The following PHACTR3 variants were observed in gnomAD, a reference collection of about 807,000 sequenced individuals.
PHACTR3 encodes protein phosphatase 1, regulatory subunit 123.
A neutral mutation model predicts 66.8 loss-of-function variants in PHACTR3; 16 were observed. The observed-to-expected ratio is 0.24, with a 90% CI of 0.16 to 0.36. The LOEUF is 0.36. Among genes scored for constraint, PHACTR3 ranks in the 10% least tolerant of loss-of-function variants. The pLI is 1.00. For missense variants in PHACTR3, 647 were observed against 719.9 expected, an observed-to-expected ratio of 0.90 and a Z score of 1.16; for synonymous variants, 323 against 292.1, an observed-to-expected ratio of 1.11 and a Z score of -1.08.
intron 1 of PHACTR3, among the ~76,000 whole-genome samples, chr20:59,716,956 G>T (rs1210981068): frequency 6.6e-6 from 1 of 152,202 alleles, no homozygotes; most frequent in Non-Finnish European, 1.5e-5. Flanking sequence ...GGGTCCCCAT[G>T]CCCAGCACTG....
chr20:59,625,258 C>T (rs1003104730), intron 1 of PHACTR3, among the ~76,000 whole-genome samples: 1 of 151,966 alleles, frequency 6.6e-6, no homozygotes, highest in African/African-American at 2.4e-5. Flanking sequence ...TCAGTTGACC[C>T]TGAGGCAGGC....
chr20:59,844,117 A>T (rs553073880), intron 11 of PHACTR3: 1 of 152,274 alleles, frequency 6.6e-6, no homozygotes, highest in Admixed American at 6.5e-5. Context: ...CAAAACCACG[A>T]TGAGATATCA....
chr20:59,738,336 G>A lies in PHACTR3; in HGVS notation c.119-4771G>A, dbSNP rs553120353. Among the ~76,000 whole-genome samples the A allele has an allele frequency of 6.6e-6, 1 of 152,098 alleles. No individual in the cohort carries two copies. Among genetic ancestry groups the A allele is most frequent in the East Asian group, 1.9e-4 (1 of 5,152 alleles). On this transcript the variant is annotated intron_variant, in intron 1 of 12. Coordinates refer to ENST00000371015, the MANE Select transcript of PHACTR3 (RefSeq NM_080672.5). This position sits in a 1 kb window ranked among gnomAD's most constrained non-coding sequence, Gnocchi z 4.4. ...GCACAATAAGGATGATAATAAGGGG[G>A]AGGGAGCAGCAGAGCACAGAGAGCT...
chr20:59,773,130 G>T, intron 5 of PHACTR3, 149 bp from the exon 6 acceptor site: 1 of 868,442 alleles, frequency 1.2e-6, no homozygotes, highest in East Asian at 2.5e-5. Flanking sequence ...TTGGGAGCAG[G>T]GATCCCGGTC....
chr20:59,769,758 GTGAA>G (rs1343535714), intron 5 of PHACTR3, among the ~76,000 whole-genome samples: 6 of 152,226 alleles, frequency 3.9e-5, no homozygotes, highest in African/African-American at 1.4e-4. Context: ...GAATGAATGA[GTGAA>G]TGAATGCATG....
At chr20:59,656,832 A>G (rs1601020911) in intron 1 of PHACTR3, among the ~76,000 whole-genome samples, 1 of 152,060 alleles carries the variant, frequency 6.6e-6, no homozygotes, top group Middle Eastern at 3.4e-3. Flanking sequence ...GGGGATTACC[A>G]TATACATCTT....
intron 1 of PHACTR3, among the ~76,000 whole-genome samples, chr20:59,687,149 T>A (rs1027453276): frequency 6.6e-6 from 1 of 150,948 alleles, no homozygotes; most frequent in East Asian, 1.9e-4. Context: ...ACAGTGATGA[T>A]GACGATGGTG....
rs1249002057 is a variant in PHACTR3, at chr20:59,738,239, T to C, written c.119-4868T>C. On this transcript the variant is annotated intron_variant, in intron 1 of 12. Transcript: ENST00000371015. The surrounding 1 kb of genome is among the most constrained non-coding windows in gnomAD (Gnocchi z 4.4). ...GCAGGGCCAGGAGGGGAGCCTGGGGTGCCTGGTCCCAGCCCCCATGTTCTT... is the reference window on the plus strand; with the variant it reads ...GCAGGGCCAGGAGGGGAGCCTGGGGCGCCTGGTCCCAGCCCCCATGTTCTT... Among the ~76,000 whole-genome samples the C allele has an allele frequency of 1.3e-5, 2 of 151,912 alleles. No homozygotes were observed.
chr20:59,837,579 A>G (rs1325930062), intron 9 of PHACTR3, among the ~76,000 whole-genome samples: 1 of 152,210 alleles, frequency 6.6e-6, no homozygotes, highest in Admixed American at 6.5e-5. Flanking sequence ...TATAGTGACT[A>G]CTGTTCTATG....
At chr20:59,600,271 T>C (rs567439464), upstream of PHACTR3, among the ~76,000 whole-genome samples, 4 of 152,344 alleles carry the variant, frequency 2.6e-5, no homozygotes, top group East Asian at 5.8e-4. Context: ...TCTGTACTCA[T>C]TGAAATTAAT....
At chr20:59,682,930 A>T (rs111656148) in intron 1 of PHACTR3, among the ~76,000 whole-genome samples, 134 of 151,786 alleles carry the variant, frequency 8.8e-4, no homozygotes, top group African/African-American at 3.0e-3. Context: ...GTCGGGGGGG[A>T]CATTGGAGGG....
At chr20:59,630,120 G>A (rs1373079038) in intron 1 of PHACTR3, among the ~76,000 whole-genome samples, 2 of 152,150 alleles carry the variant, frequency 1.3e-5, no homozygotes, top group East Asian at 3.8e-4. Context: ...GATGATTTTA[G>A]GTGGTAAATG....
At chr20:59,812,848 C>T (rs927449863) in intron 8 of PHACTR3, among the ~76,000 whole-genome samples, 1 of 152,076 alleles carries the variant, frequency 6.6e-6, no homozygotes, top group African/African-American at 2.4e-5. Context: ...CCTGTGATGC[C>T]GAGCAGGGAC....
rs1334941069 is a variant in PHACTR3, at chr20:59,830,116, G to A, written c.1329-6389G>A. ...AGACGGCGTCTGATGGGAGAAGAGG[G>A]GGTGTCTGATGAAAGAGGCTATGAC... is the stretch of plus-strand genomic sequence containing the variant. On this transcript the variant is annotated intron_variant, in intron 8 of 12. Coordinates refer to ENST00000371015, the MANE Select transcript of PHACTR3 (RefSeq NM_080672.5). This position sits in a 1 kb window ranked among gnomAD's most constrained non-coding sequence, Gnocchi z 5.8. Among the ~76,000 whole-genome samples the A allele has an allele frequency of 1.3e-5, 2 of 152,122 alleles. No individual in the cohort carries two copies. Among genetic ancestry groups the A allele is most frequent in the Non-Finnish European group, 2.9e-5 (2 of 68,034 alleles).
At chr20:59,623,204 C>T (rs1177457021) in intron 1 of PHACTR3, among the ~76,000 whole-genome samples, 10 of 151,864 alleles carry the variant, frequency 6.6e-5, no homozygotes, top group South Asian at 4.2e-4. Flanking sequence ...AATTCCAGGG[C>T]GGCTGGAGAC....
rs142865034 is a variant in PHACTR3, at chr20:59,677,811, C to T, written c.119-65296C>T. On this transcript the variant is annotated intron_variant, in intron 1 of 12. Coordinates refer to ENST00000371015, the MANE Select transcript of PHACTR3 (RefSeq NM_080672.5). ...TGTATAATGATGGTAACCACATACA[C>T]AATCGAAGAATAACAAGTCAGAAAA... 5.2e-3 allele frequency among the ~76,000 whole-genome samples: 794 copies of T among 152,284 alleles called. 2 individuals carry two copies. The highest frequency in any genetic ancestry group is 0.017 in the Middle Eastern group (5 of 294).
At chr20:59,639,478 C>T (rs927799665) in intron 1 of PHACTR3, among the ~76,000 whole-genome samples, 22 of 152,164 alleles carry the variant, frequency 1.4e-4, no homozygotes, top group African/African-American at 5.1e-4. Flanking sequence ...GTGTGACCTC[C>T]AGCCAACTTG....
intron 7 of PHACTR3, among the ~76,000 whole-genome samples, chr20:59,783,009 C>A (rs2040779045): frequency 6.6e-6 from 1 of 152,156 alleles, no homozygotes; most frequent in Non-Finnish European, 1.5e-5. Context: ...AAAGTGAATG[C>A]TAACGTGTTA....
intron 7 of PHACTR3, among the ~76,000 whole-genome samples, chr20:59,783,341 G>A (rs1430175517): frequency 6.6e-6 from 1 of 152,166 alleles, no homozygotes; most frequent in African/African-American, 2.4e-5. Context: ...GGCCCAGGGT[G>A]GTTCTGGCTG....
Sources: allele counts gnomAD v4.1 joint callset (sites outside exome capture counted in the v4.1 genomes callset), GRCh38; gene constraint gnomAD v4.1.1; non-coding constraint Gnocchi (gnomAD v3.1); transcripts MANE v1.5; gene names NCBI Gene and HGNC (gene_info 2026-07-23, HGNC 2026-07-21).